The following KCNK7 variants were observed in gnomAD, a reference collection of about 807,000 sequenced individuals.
KCNK7 encodes the protein potassium two pore domain channel subfamily K member 7, also known as potassium channel subfamily K member 7.
A neutral mutation model predicts 18.1 loss-of-function variants in KCNK7; 14 were observed. That is an observed-to-expected ratio of 0.77 (90% CI 0.51 to 1.21). The LOEUF is 1.21. Among genes scored for constraint, KCNK7 ranks in the 50% most tolerant of loss-of-function variants. The pLI is 0.00. For missense variants in KCNK7, 385 were observed against 387.3 expected (o/e 0.99, Z 0.05); for synonymous variants, 188 against 184.7 (o/e 1.02, Z -0.15).
Position 65,595,522 on chromosome 11 carries a change from C to G in KCNK7, c.251G>C (p.Ser84Thr). 6.4e-7 allele frequency: 1 copy of G among 1,553,724 alleles called. No homozygotes were observed. Among genetic ancestry groups the G allele is most frequent in the Non-Finnish European group, 8.8e-7 (1 of 1,141,810 alleles). Residue 84 changes from serine to threonine, a missense_variant, in exon 1 of 3, where the codon AGC becomes ACC. Physicochemically the swap from Ser to Thr is moderately conservative, Grantham distance 58. Transcript: ENST00000340313. ...QAHGVSTLGNSSEGRTWDLPS... is the reference protein window; with the variant it reads ...QAHGVSTLGNTSEGRTWDLPS... The stretch of plus-strand genomic sequence containing the variant: ...AAGGTCCCAGGTCCTGCCCTCTGAG[C>G]TGTTGCCCAGGGTGGAGACCCCATG...
At chr11:65,594,342 C>T (rs1369864040) in intron 1 of KCNK7, among the ~76,000 whole-genome samples, 1 of 151,816 alleles carries the variant, frequency 6.6e-6, no homozygotes, top group Non-Finnish European at 1.5e-5. Flanking sequence ...ATGTGCCAGG[C>T]GGGGAGGGGT....
chr11:65,595,418 G>A (rs1307118679), intron 1 of KCNK7, 36 bp downstream of exon 1: 2 of 1,402,028 alleles, frequency 1.4e-6, no homozygotes, highest in Non-Finnish European at 9.4e-7. Context: ...GCCTCTTGGA[G>A]CCGCACCCCC....
chr11:65,595,153 T>C (rs970186026), intron 1 of KCNK7, among the ~76,000 whole-genome samples: 5 of 152,206 alleles, frequency 3.3e-5, no homozygotes, highest in Non-Finnish European at 7.3e-5. Flanking sequence ...CATCCAAGAA[T>C]CCATCCCACT....
At position 65,593,694 on chromosome 11, in the gene KCNK7, G is replaced by T; in HGVS notation, c.500C>A (p.Ala167Glu). The T allele has an allele frequency of 6.2e-7, 1 of 1,607,444 alleles. No homozygotes were observed. The highest frequency in any genetic ancestry group is 8.5e-7 in the Non-Finnish European group (1 of 1,179,132). ...VHWQLSPARAALLQAVALGLL... is the reference protein window; with the variant it reads ...VHWQLSPARAELLQAVALGLL... ...TCCCAGTGCAACTGCCTGCAGCAGC[G>T]CAGCCCTGGCCGGTGACAGCTGCCA... Residue 167 changes from alanine (A) to glutamate (E), a missense_variant, in exon 2 of 3, where the codon GCG becomes GAG. Transcript: ENST00000340313.
Position 65,593,265 on chromosome 11 carries a change from C to T in KCNK7, c.719-55G>A, listed in dbSNP as rs886382952. 4.3e-6 allele frequency: 7 copies of T among 1,613,164 alleles called. No individual in the cohort carries two copies. The African/African-American group carries it at 9.3e-5, about 22-fold the overall frequency. On this transcript the variant is annotated intron_variant, in intron 2 of 2. Transcript: ENST00000340313. ...CTGGGTTCTGGTGATGCTCCCCGCC[C>T]ACCTCCCAGCGCAGTGACTTGCCCT...
At chr11:65,594,077 GA>G (rs1854296688) in intron 1 of KCNK7, among the ~76,000 whole-genome samples, 1 of 152,234 alleles carries the variant, frequency 6.6e-6, no homozygotes, top group Non-Finnish European at 1.5e-5. Context: ...TTTGGAAAAT[GA>G]AAGGATGAAA....
rs1216814250 is a variant in KCNK7 at position 65,593,712 on chromosome 11, A to G, written c.482T>C (p.Leu161Pro). ...PRAWVAVHWQLSPARAALLQA... is the reference protein window; with the variant it reads ...PRAWVAVHWQPSPARAALLQA... ...CAGCAGCGCAGCCCTGGCCGGTGAC[A>G]GCTGCCAGTGGACCGCTACCCAGGC... is the stretch of plus-strand genomic sequence containing the variant. Residue 161 changes from leucine (L) to proline (P), a missense_variant, in exon 2 of 3, where the codon CTG (leucine) becomes CCG (proline). Coordinates refer to ENST00000340313, the MANE Select transcript of KCNK7 (RefSeq NM_033347.2). The G allele has an allele frequency of 3.1e-6, 5 of 1,609,334 alleles. No homozygotes were observed. The highest frequency in any genetic ancestry group is 2.2e-5 in the East Asian group (1 of 44,848).
Position 65,593,533 on chromosome 11 carries a change from C to A in KCNK7, c.661G>T (p.Gly221Cys). Reference protein sequence around the residue: ...STIGLEDLLPGRGRSLHPVIY... With the variant: ...STIGLEDLLPCRGRSLHPVIY... ...ACGGGGTGCAGGCTGCGGCCGCGGC[C>A]GGGCAGCAAGTCCTCCAGGCCAATG... The change falls in exon 2 of 3, where the codon GGC (glycine) becomes TGC (cysteine). Residue 221 changes from glycine to cysteine, a missense_variant. Transcript: ENST00000340313. 6.2e-7 allele frequency: 1 copy of A among 1,611,970 alleles called. No homozygotes were observed. The highest frequency in any genetic ancestry group is 8.5e-7 in the Non-Finnish European group (1 of 1,179,980).
chr11:65,593,944 C>G (rs1325057381), intron 1 of KCNK7, 70 bp from the exon 2 acceptor site: 11 of 1,450,174 alleles, frequency 7.6e-6, no homozygotes, highest in Non-Finnish European at 1.0e-5. Flanking sequence ...CTGCCTACCC[C>G]AATACTGCCT....
Position 65,593,528 on chromosome 11 carries a change from G to A in KCNK7, c.666C>T (p.Arg222=), listed in dbSNP as rs751817173. 7.8e-5 allele frequency: 125 copies of A among 1,612,194 alleles called. No homozygotes were observed. Among genetic ancestry groups the A allele is most frequent in the Middle Eastern group, 1.6e-4 (1 of 6,084 alleles). Residue 222 remains arginine, a synonymous_variant, in exon 2 of 3, where the codon CGC becomes CGT. Coordinates refer to ENST00000340313, the MANE Select transcript of KCNK7 (RefSeq NM_033347.2). ...AAATCACGGGGTGCAGGCTGCGGCC[G>A]CGGCCGGGCAGCAAGTCCTCCAGGC... is the stretch of plus-strand genomic sequence containing the variant. The part of the protein sequence containing the change: ...TIGLEDLLPG[R]GRSLHPVIYH...
rs905539323 is a variant in KCNK7, at chr11:65,592,926, G to A, written c.*79C>T. 1.8e-5 allele frequency: 27 copies of A among 1,513,528 alleles called. No homozygotes were observed. The South Asian group carries it at 3.3e-4, about 18-fold the overall frequency. The allele number at this position is 1,513,528 out of a possible 1,614,324, so 93.8% of individuals were successfully genotyped here. ...CACCCTCACCGCGGCTCCATCTCCA[G>A]ATTCTTCCCCAGCCACTCCTGGCTG... On this transcript the variant is annotated 3_prime_UTR_variant, in exon 3 of 3. Transcript: ENST00000340313.
Position 65,595,622 on chromosome 11 carries a change from G to C in KCNK7, c.151C>G (p.Gln51Glu). ...AELRAELAAF[Q>E]AEHRACLPPG... Reference sequence around the variant, plus strand: ...GGCAGGCAGGCCCTATGCTCTGCCTGGAAGGCTGCCAGCTCTGCCCTGAGC... The same window carrying C: ...GGCAGGCAGGCCCTATGCTCTGCCTCGAAGGCTGCCAGCTCTGCCCTGAGC... The change falls in exon 1 of 3, where the codon CAG becomes GAG. Residue 51 changes from glutamine to glutamate, a missense_variant. Gln to Glu is a conservative substitution (Grantham distance 29, BLOSUM62 2). Transcript: ENST00000340313. The C allele has an allele frequency of 6.2e-7, 1 of 1,604,176 alleles. No individual in the cohort carries two copies. Among genetic ancestry groups the C allele is most frequent in the Non-Finnish European group, 8.5e-7 (1 of 1,175,254 alleles).
rs552592067 is a variant in KCNK7, at chr11:65,593,613, T to C, written c.581A>G (p.Gln194Arg). ...GGCCCCCAGCAGGCTGCAGTCGCCC[T>C]GAAGGCCCCACAGCACCAGCGCTGG... ...LLPALVLWGL[Q>R]GDCSLLGAVY... is the part of the protein sequence containing the mutation. The change falls in exon 2 of 3, where the codon CAG (glutamine) becomes CGG (arginine). Residue 194 changes from glutamine (Q) to arginine (R), a missense_variant. By Grantham distance (43) the Gln-to-Arg change is conservative. Transcript: ENST00000340313. 8.9e-5 allele frequency: 143 copies of C among 1,605,258 alleles called. No homozygotes were observed. The highest frequency in any genetic ancestry group is 1.2e-4 in the Non-Finnish European group (140 of 1,179,698).
chr11:65,593,269 TC>T (rs1858459577), intron 2 of KCNK7, 59 bp from the exon 3 acceptor site: 1 of 1,613,352 alleles, frequency 6.2e-7, no homozygotes. Flanking sequence ...CCCGCCCACC[TC>T]CCAGCGCAGT....
Position 65,595,424 on chromosome 11 carries a change from C to T in KCNK7, c.319+30G>A, listed in dbSNP as rs541838661. The T allele has an allele frequency of 5.7e-6, 8 of 1,405,236 alleles. No homozygotes were observed. In the African/African-American group the frequency reaches 1.0e-4, roughly 18 times the overall value. The allele number at this position is 1,405,236 out of a possible 1,614,324, so 87.0% of individuals were successfully genotyped here. A position where few individuals can be genotyped will look rare whatever the true frequency, so the allele number is the denominator to read the frequency against. On this transcript the variant is annotated intron_variant, in intron 1 of 2. Coordinates refer to ENST00000340313, the MANE Select transcript of KCNK7 (RefSeq NM_033347.2). ...GGAGCCATGGCCTCTTGGAGCCGCA[C>T]CCCCCGACTTGGCTGCCTGGCTCTC...
At position 65,593,849 on chromosome 11, in the gene KCNK7, C is replaced by A; in HGVS notation, c.345G>T (p.Ser115=). The change falls in exon 2 of 3, where the codon TCG becomes TCT. Residue 115 remains serine, a synonymous_variant. Coordinates refer to ENST00000340313, the MANE Select transcript of KCNK7 (RefSeq NM_033347.2). ...CCATGCAGAAGGCCTTTCCGCCTGG[C>A]GATAGTGGGGCCATGTGGCCATAAC... The part of the protein sequence containing the change: ...TTGYGHMAPL[S]PGGKAFCMVY... The A allele has an allele frequency of 2.6e-6, 4 of 1,543,012 alleles. No individual in the cohort carries two copies. Among genetic ancestry groups the A allele is most frequent in the Non-Finnish European group, 3.5e-6 (4 of 1,144,678 alleles).
chr11:65,593,985 A>AT, intron 1 of KCNK7, 111 bp from the exon 2 acceptor site: 7 of 1,208,810 alleles, frequency 5.8e-6, no homozygotes, highest in Admixed American at 3.1e-5. Context: ...GGTGGCCTTG[A>AT]ACTGGCCAGG....
rs1247212476 is a variant in KCNK7, at chr11:65,595,781, G to A, written c.-9C>T. 10 of 1,476,958 alleles carry A rather than the reference G, an allele frequency of 6.8e-6. No individual in the cohort carries two copies. Among genetic ancestry groups the A allele is most frequent in the African/African-American group, 4.2e-5 (3 of 71,418 alleles). 91.5% of individuals were successfully genotyped at this position (1,476,958 alleles called of 1,614,324 possible). ...GGCCTTAGACCCCCCATGGCAGGCC[G>A]CTGGGGTGCTGTGGGAACTGGCGGC... On this transcript the variant is annotated 5_prime_UTR_variant, in exon 1 of 3. Transcript: ENST00000340313.
At chr11:65,593,369 G>A (rs1210257129) in intron 2 of KCNK7, 107 bp downstream of exon 2, 1 of 1,613,796 alleles carries the variant, frequency 6.2e-7, no homozygotes, top group Non-Finnish European at 8.5e-7. Context: ...GTGCCCTGGA[G>A]TGAGGTCCCT....
Sources: gnomAD v4.1 joint callset for allele counts (sites outside exome capture counted in the v4.1 genomes callset) on GRCh38, gnomAD v4.1.1 for gene constraint, MANE v1.5 for transcripts, NCBI Gene and HGNC (gene_info 2026-07-23, HGNC 2026-07-21) for gene names.